Variants in ARHGAP15 observed in about 807,000 individuals in gnomAD.
The protein encoded by ARHGAP15 is rho GTPase-activating protein 15.
A neutral mutation model predicts 63.7 loss-of-function variants in ARHGAP15; 51 were observed. That is an observed-to-expected ratio of 0.80 (90% CI 0.64 to 1.01). ARHGAP15 has a LOEUF of 1.01. Ranked by LOEUF, ARHGAP15 falls within the 50% of genes least tolerant of loss-of-function variation. The probability of loss-of-function intolerance (pLI) is 0.00; values close to 1 mark genes in which losing one functional copy is unlikely to be tolerated. For synonymous variants in ARHGAP15, 191 were observed against 193.8 expected, an observed-to-expected ratio of 0.99 and a Z score of 0.12; for missense variants, 560 against 564.6, an observed-to-expected ratio of 0.99 and a Z score of 0.08.
intron 2 of ARHGAP15, among the ~76,000 whole-genome samples, chr2:143,197,380 A>G (rs1691921060): frequency 6.6e-6 from 1 of 152,034 alleles, no homozygotes; most frequent in Admixed American, 6.6e-5. Context: ...ATAATAAGCT[A>G]TTAATCGATA....
At chr2:143,240,478 A>G (rs896396497) in intron 5 of ARHGAP15, among the ~76,000 whole-genome samples, 9 of 152,152 alleles carry the variant, frequency 5.9e-5, no homozygotes, top group South Asian at 2.1e-4. Flanking sequence ...TTGAGCCCTT[A>G]TTCAGACCCC....
At chr2:143,537,570 G>A (rs149572440) in intron 10 of ARHGAP15, among the ~76,000 whole-genome samples, 2,807 of 152,228 alleles carry the variant, frequency 0.018, 107 homozygotes, top group African/African-American at 0.065. Context: ...GTGTAAGGAG[G>A]GGATCCAGTT....
At position 143,686,383 on chromosome 2, in the gene ARHGAP15, CAAAAAAAAAAAAAAAAAAA is replaced by C. The variant is rs35554349; in HGVS notation, c.1139-17021_1139-17003del. Among the ~76,000 whole-genome samples the C allele has an allele frequency of 6.0e-4, 33 of 55,084 alleles. 1 individual carries two copies. The East Asian group carries it at 0.016, about 27-fold the overall frequency. The allele number at this position is 55,084 out of a possible 152,430, so 36.1% of individuals were successfully genotyped here. A position where few individuals can be genotyped will look rare whatever the true frequency, so the allele number is the denominator to read the frequency against. On this transcript the variant is annotated intron_variant, in intron 12 of 13. Transcript: ENST00000295095. ...TGGGTGACAGAGCGAGACTCTGTCT[CAAAAAAAAAAAAAAAAAAA>C]AAAAAAAAAAAAAAGCCCTTGCAAA...
Position 143,743,598 on chromosome 2 carries a change from C to T in ARHGAP15, c.1245-24391C>T, listed in dbSNP as rs1214155410. Reference sequence around the variant, plus strand: ...CTCTCTCTGCCATGAAAGCCATGTTCGGGGACAGCACTAGGTTGTACCTGG... The same window carrying T: ...CTCTCTCTGCCATGAAAGCCATGTTTGGGGACAGCACTAGGTTGTACCTGG... On this transcript the variant is annotated intron_variant, in intron 13 of 13. Transcript: ENST00000295095. Among the ~76,000 whole-genome samples, 8 of 152,272 alleles carry T rather than the reference C, an allele frequency of 5.3e-5. No homozygotes were observed. The South Asian group carries it at 1.2e-3, about 24-fold the overall frequency.
At chr2:143,224,763 C>A (rs1693139092) in intron 4 of ARHGAP15, among the ~76,000 whole-genome samples, 1 of 152,140 alleles carries the variant, frequency 6.6e-6, no homozygotes, top group African/African-American at 2.4e-5. Flanking sequence ...GCTGACAATG[C>A]CTTACGAGAG....
At chr2:143,489,081 C>G (rs1233852162) in intron 9 of ARHGAP15, among the ~76,000 whole-genome samples, 1 of 152,194 alleles carries the variant, frequency 6.6e-6, no homozygotes, top group African/African-American at 2.4e-5. Flanking sequence ...AAATATAAAA[C>G]CAGCTAAGCA....
chr2:143,707,770 A>G (rs1684397088), intron 13 of ARHGAP15, among the ~76,000 whole-genome samples: 1 of 152,204 alleles, frequency 6.6e-6, no homozygotes, highest in Non-Finnish European at 1.5e-5. Flanking sequence ...TTGCCTTAGT[A>G]AAGTGTAGTT....
chr2:143,622,345 C>T (rs975638404), intron 11 of ARHGAP15, among the ~76,000 whole-genome samples: 3 of 151,884 alleles, frequency 2.0e-5, no homozygotes, highest in Non-Finnish European at 4.4e-5. Flanking sequence ...TATAAGGGCA[C>T]GCAGGGGGTG....
chr2:143,463,368 C>A (rs1475894406), intron 8 of ARHGAP15, among the ~76,000 whole-genome samples: 2 of 152,042 alleles, frequency 1.3e-5, no homozygotes, highest in Non-Finnish European at 2.9e-5. Context: ...ATGGGGAAAC[C>A]CTGTCTCTAC....
At chr2:143,402,397 GACA>G (rs2104999407) in intron 6 of ARHGAP15, among the ~76,000 whole-genome samples, 2 of 151,944 alleles carry the variant, frequency 1.3e-5, no homozygotes, top group South Asian at 4.2e-4. Flanking sequence ...TGGAAAAATA[GACA>G]ACAGCAAAGG....
chr2:143,613,433 T>A (rs1359654786), intron 11 of ARHGAP15, among the ~76,000 whole-genome samples: 2 of 152,188 alleles, frequency 1.3e-5, no homozygotes, highest in Non-Finnish European at 2.9e-5. Flanking sequence ...TTCCTTACAA[T>A]CAGCATGTGG....
chr2:143,586,397 C>T (rs919043184), intron 11 of ARHGAP15, among the ~76,000 whole-genome samples: 1 of 151,786 alleles, frequency 6.6e-6, no homozygotes, highest in Non-Finnish European at 1.5e-5. Flanking sequence ...GAGAACTAGT[C>T]CTATTTTTCT....
At chr2:143,336,781 CTA>C (rs780747635) in intron 6 of ARHGAP15, among the ~76,000 whole-genome samples, 37 of 152,236 alleles carry the variant, frequency 2.4e-4, no homozygotes, top group Middle Eastern at 3.4e-3. Context: ...GCTAACTGGA[CTA>C]TTTTGTGTTT....
At chr2:143,493,694 A>G (rs1270118775) in intron 9 of ARHGAP15, among the ~76,000 whole-genome samples, 2 of 151,826 alleles carry the variant, frequency 1.3e-5, no homozygotes, top group African/African-American at 4.8e-5. Flanking sequence ...TCTTTCTCCA[A>G]TTTGCACTGG....
At chr2:143,302,130 T>C (rs1287459529) in intron 6 of ARHGAP15, among the ~76,000 whole-genome samples, 1 of 151,964 alleles carries the variant, frequency 6.6e-6, no homozygotes, top group African/African-American at 2.4e-5. Context: ...AGACGTAACC[T>C]CTTTTACATA....
intron 13 of ARHGAP15, among the ~76,000 whole-genome samples, chr2:143,729,904 A>ATT (rs149740011): frequency 6.6e-6 from 1 of 152,048 alleles, no homozygotes; most frequent in Non-Finnish European, 1.5e-5. Context: ...AAGTTTAGGG[A>ATT]TTTTTTGTGA....
At chr2:143,766,918 G>A (rs1193328724) in intron 13 of ARHGAP15, 1 of 152,132 alleles carries the variant, frequency 6.6e-6, no homozygotes, top group Non-Finnish European at 1.5e-5. Flanking sequence ...GGCCCACTTA[G>A]GCCAAACAAA....
chr2:143,514,884 A>G (rs1421226279), intron 9 of ARHGAP15, among the ~76,000 whole-genome samples: 5 of 152,186 alleles, frequency 3.3e-5, no homozygotes, highest in Admixed American at 1.3e-4. Context: ...AATGCGTCTT[A>G]AGGCCTCAGT....
At chr2:143,360,992 C>G (rs994664868) in intron 6 of ARHGAP15, among the ~76,000 whole-genome samples, 1 of 149,336 alleles carries the variant, frequency 6.7e-6, no homozygotes, top group Non-Finnish European at 1.5e-5. Context: ...GATCTCTGAA[C>G]AAAATTTTGT....
Sources: gnomAD v4.1 joint callset for allele counts (sites outside exome capture counted in the v4.1 genomes callset) on GRCh38, gnomAD v4.1.1 for gene constraint, MANE v1.5 for transcripts, NCBI Gene and HGNC (gene_info 2026-07-23, HGNC 2026-07-21) for gene names.